Variants in IGF1R observed in about 807,000 individuals in gnomAD.
IGF1R encodes insulin-like growth factor 1 receptor.
In IGF1R, 44 loss-of-function variants were observed where a neutral mutation model predicts 144.6. That is an observed-to-expected ratio of 0.30 (90% confidence interval 0.24 to 0.39). IGF1R has a LOEUF of 0.39. Ranked by LOEUF, IGF1R falls within the 10% of genes least tolerant of loss-of-function variation. The probability of loss-of-function intolerance (pLI) is 1.00; values close to 1 mark genes in which losing one functional copy is unlikely to be tolerated. For synonymous variants in IGF1R, 795 were observed against 722.8 expected, an observed-to-expected ratio of 1.10 and a Z score of -1.60; for missense variants, 1,355 against 1,833.7, an observed-to-expected ratio of 0.74 and a Z score of 4.77.
At chr15:98,664,843 A>G (rs1476861035) in intron 1 of IGF1R, among the ~76,000 whole-genome samples, 1 of 151,524 alleles carries the variant, frequency 6.6e-6, no homozygotes, top group East Asian at 1.9e-4. Flanking sequence ...TACGCATTAG[A>G]AGTTATTTAC....
chr15:98,958,861 T>C lies in IGF1R; in HGVS notation c.*1419T>C. On this transcript the variant is annotated 3_prime_UTR_variant, in exon 21 of 21. Transcript: ENST00000650285. ...TCCTCTTTTCCCGGTAATGGATACTTCTATCACATAATTTGCCATGAACTG... is the reference window on the plus strand; with the variant it reads ...TCCTCTTTTCCCGGTAATGGATACTCCTATCACATAATTTGCCATGAACTG... 1 of 233,616 alleles carries C rather than the reference T, an allele frequency of 4.3e-6. No individual in the cohort carries two copies. The highest frequency in any genetic ancestry group is 8.5e-6 in the Non-Finnish European group (1 of 118,006). 14.5% of individuals were successfully genotyped at this position (233,616 alleles called of 1,614,324 possible).
Position 98,963,008 on chromosome 15 carries a change from T to C in IGF1R, c.*5566T>C, listed in dbSNP as rs2017284014. On this transcript the variant is annotated 3_prime_UTR_variant, in exon 21 of 21. Coordinates refer to ENST00000650285, the MANE Select transcript of IGF1R (RefSeq NM_000875.5). ...CAACATTGTTTTAACTAGTCACTCA[T>C]TAGCGTTTTCAATAGGGCTCTTAAG... The C allele has an allele frequency of 1.3e-5, 3 of 233,612 alleles. No homozygotes were observed. The highest frequency in any genetic ancestry group is 6.6e-5 in the African/African-American group (3 of 45,356). The allele number at this position is 233,612 out of a possible 1,614,324, so 14.5% of individuals were successfully genotyped here.
chr15:98,750,446 G>A (rs1024261830), intron 2 of IGF1R, among the ~76,000 whole-genome samples: 1 of 152,206 alleles, frequency 6.6e-6, no homozygotes, highest in Non-Finnish European at 1.5e-5. Flanking sequence ...TTGTCCAAGA[G>A]CAGAGTTGGA....
At chr15:98,913,360 G>T (rs2015107994) in intron 8 of IGF1R, 78 bp downstream of exon 8, 1 of 1,131,426 alleles carries the variant, frequency 8.8e-7, no homozygotes, top group African/African-American at 1.5e-5. Context: ...AGGTGTCATT[G>T]TAGGGTTAGC....
At chr15:98,809,329 G>T (rs925602288) in intron 2 of IGF1R, among the ~76,000 whole-genome samples, 1 of 152,188 alleles carries the variant, frequency 6.6e-6, no homozygotes, top group Non-Finnish European at 1.5e-5. Context: ...ACCACGATTG[G>T]ATTCTATTAG....
intron 2 of IGF1R, among the ~76,000 whole-genome samples, chr15:98,728,082 A>G (rs192457708): frequency 6.1e-5 from 9 of 146,440 alleles, no homozygotes; most frequent in Admixed American, 5.6e-4. Flanking sequence ...AAGCTTCCAC[A>G]GCATGGAAAG....
chr15:98,885,871 A>G (rs569334507), intron 2 of IGF1R, among the ~76,000 whole-genome samples: 9 of 150,074 alleles, frequency 6.0e-5, no homozygotes, highest in African/African-American at 2.2e-4. Context: ...GGCTGGAGTA[A>G]AATGGTGCAA....
chr15:98,938,677 A>G (rs1180547351), intron 17 of IGF1R, among the ~76,000 whole-genome samples: 1 of 152,228 alleles, frequency 6.6e-6, no homozygotes, highest in Non-Finnish European at 1.5e-5. Context: ...GTATTTTAGA[A>G]GAAGGTTGAA....
intron 1 of IGF1R, among the ~76,000 whole-genome samples, chr15:98,688,971 G>C (rs553752359): frequency 3.2e-4 from 48 of 152,274 alleles, no homozygotes; most frequent in African/African-American, 1.1e-3. Context: ...CTTCCTCTGT[G>C]TGGTGGGCGA....
intron 1 of IGF1R, among the ~76,000 whole-genome samples, chr15:98,678,024 G>A (rs1596173697): frequency 2.0e-5 from 3 of 152,226 alleles, no homozygotes; most frequent in Admixed American, 2.0e-4. Context: ...GGCATCTTTT[G>A]GTTTAAGAGG....
intron 2 of IGF1R, among the ~76,000 whole-genome samples, chr15:98,814,626 G>C (rs868334566): frequency 6.6e-6 from 1 of 152,302 alleles, no homozygotes; most frequent in Middle Eastern, 3.4e-3. Context: ...GGGATTACAC[G>C]TGTGAGCCAC....
chr15:98,911,662 C>T (rs939711049), intron 7 of IGF1R, among the ~76,000 whole-genome samples: 1 of 152,110 alleles, frequency 6.6e-6, no homozygotes, highest in Non-Finnish European at 1.5e-5. Context: ...AGTGTTAGCT[C>T]GAGGCCTGTC....
At chr15:98,675,124 G>T (rs144357305) in intron 1 of IGF1R, among the ~76,000 whole-genome samples, 4 of 151,768 alleles carry the variant, frequency 2.6e-5, no homozygotes, top group Admixed American at 2.0e-4. Flanking sequence ...GAGTATTTGG[G>T]ACTACAAGTG....
intron 19 of IGF1R, 130 bp from the exon 20 acceptor site, chr15:98,948,444 G>A (rs1249329345): frequency 1.0e-5 from 10 of 972,274 alleles, no homozygotes; most frequent in Admixed American, 3.4e-5. Flanking sequence ...CTGGCTCGCT[G>A]TCTGACAAGC....
intron 2 of IGF1R, among the ~76,000 whole-genome samples, chr15:98,830,912 A>T (rs1212769787): frequency 6.6e-6 from 1 of 152,102 alleles, no homozygotes; most frequent in East Asian, 1.9e-4. Flanking sequence ...CCAGGATCTG[A>T]TCATTTTCTA....
chr15:98,726,649 T>A (rs28657002), intron 2 of IGF1R, among the ~76,000 whole-genome samples: 47,042 of 151,412 alleles, frequency 0.31, 7,508 homozygotes, highest in South Asian at 0.38. Context: ...GAATTTTAAT[T>A]CCTTGCTTTT....
chr15:98,952,044 C>G (rs1394106053), intron 20 of IGF1R, among the ~76,000 whole-genome samples: 1 of 152,160 alleles, frequency 6.6e-6, no homozygotes, highest in Non-Finnish European at 1.5e-5. Context: ...AGCTCATAGA[C>G]CTTGGAAAAC....
intron 2 of IGF1R, among the ~76,000 whole-genome samples, chr15:98,808,172 G>A (rs1178725640): frequency 6.6e-6 from 1 of 152,182 alleles, no homozygotes; most frequent in African/African-American, 2.4e-5. Flanking sequence ...CAAAGGTAAA[G>A]CATTTGGTGG....
At chr15:98,701,626 G>A (rs773275705) in intron 1 of IGF1R, among the ~76,000 whole-genome samples, 5 of 152,010 alleles carry the variant, frequency 3.3e-5, no homozygotes, top group Admixed American at 6.6e-5. Context: ...GGCATGAGCC[G>A]CCGCACCCGG....
Sources: allele counts gnomAD v4.1 joint callset (sites outside exome capture counted in the v4.1 genomes callset), GRCh38; gene constraint gnomAD v4.1.1; transcripts MANE v1.5; gene names NCBI Gene and HGNC (gene_info 2026-07-23, HGNC 2026-07-21).